Variants in LTBP1 observed in about 807,000 individuals in gnomAD.
The protein encoded by LTBP1 is latent-transforming growth factor beta-binding protein 1.
Under a neutral mutation model 207.6 loss-of-function variants are expected in LTBP1, and 129 were observed. That is an observed-to-expected ratio of 0.62 (90% confidence interval 0.54 to 0.72). LTBP1 has a LOEUF of 0.72. LTBP1 is among the 30% of genes least tolerant of loss of function. LTBP1 has a pLI of 0.00. For synonymous variants in LTBP1, 963 were observed against 833.7 expected (o/e 1.16, Z -2.67); for missense variants, 2,281 against 2,217.2 (o/e 1.03, Z -0.58).
intron 3 of LTBP1, among the ~76,000 whole-genome samples, chr2:33,089,738 C>G (rs187079803): frequency 1.2e-4 from 19 of 152,246 alleles, no homozygotes. Context: ...TGCTATGGTT[C>G]CTGACGTAAA....
At chr2:33,332,039 AAAAAT>A (rs2094499737) in intron 24 of LTBP1, among the ~76,000 whole-genome samples, 1 of 152,164 alleles carries the variant, frequency 6.6e-6, no homozygotes. Context: ...TTCATTCAGA[AAAAAT>A]AAAACGTTGC....
chr2:33,104,170 A>T (rs775889748), intron 3 of LTBP1, among the ~76,000 whole-genome samples: 122 of 152,166 alleles, frequency 8.0e-4, no homozygotes, highest in Non-Finnish European at 1.6e-3. Context: ...TGTGCGCCAA[A>T]AATTGCCACT....
chr2:33,396,694 T>G (rs2095361501), intron 32 of LTBP1, among the ~76,000 whole-genome samples: 1 of 152,194 alleles, frequency 6.6e-6, no homozygotes, highest in Non-Finnish European at 1.5e-5. Context: ...AAACGCCGGC[T>G]GAAAACGTAT....
intron 2 of LTBP1, among the ~76,000 whole-genome samples, chr2:33,002,716 C>A (rs219173): frequency 6.6e-6 from 1 of 151,790 alleles, no homozygotes; most frequent in Non-Finnish European, 1.5e-5. Context: ...CTCACCCTGT[C>A]GCCCAGGCTG....
At chr2:33,333,237 TTTTTTC>T (rs1161583147) in intron 24 of LTBP1, among the ~76,000 whole-genome samples, 1 of 152,210 alleles carries the variant, frequency 6.6e-6, no homozygotes, top group Non-Finnish European at 1.5e-5. Flanking sequence ...TAGAGTTTTT[TTTTTTC>T]TTTCTTAGTG....
chr2:33,092,891 T>G (rs939264140), intron 3 of LTBP1, among the ~76,000 whole-genome samples: 1 of 152,202 alleles, frequency 6.6e-6, no homozygotes, highest in Admixed American at 6.5e-5. Context: ...TGCTAGTATA[T>G]TTTGTTCTTT....
chr2:33,260,144 A>T (rs1047687874), intron 13 of LTBP1, among the ~76,000 whole-genome samples: 4 of 152,224 alleles, frequency 2.6e-5, no homozygotes, highest in South Asian at 2.1e-4. Context: ...GCTTTTGGGC[A>T]TAGATGGGGG....
intron 2 of LTBP1, among the ~76,000 whole-genome samples, chr2:33,017,603 G>A (rs1688563536): frequency 1.3e-5 from 2 of 152,052 alleles, no homozygotes; most frequent in African/African-American, 4.8e-5. Context: ...AGAAGGACAT[G>A]AGTTGTTTTG....
At chr2:33,077,848 A>G (rs367989526) in intron 3 of LTBP1, among the ~76,000 whole-genome samples, 4 of 152,354 alleles carry the variant, frequency 2.6e-5, no homozygotes, top group African/African-American at 7.2e-5. Flanking sequence ...TTTGAACAAG[A>G]TTACTTTTGC....
chr2:33,277,434 C>A (rs1373766278), intron 18 of LTBP1, among the ~76,000 whole-genome samples: 1 of 152,170 alleles, frequency 6.6e-6, no homozygotes, highest in Non-Finnish European at 1.5e-5. Context: ...AACTGCCTGA[C>A]CTGTAGCCAC....
intron 5 of LTBP1, among the ~76,000 whole-genome samples, chr2:33,167,963 G>A (rs113031763): frequency 0.011 from 1,629 of 152,250 alleles, 31 homozygotes; most frequent in African/African-American, 0.037. Flanking sequence ...TATCTTAGAG[G>A]GAATGATCCA....
chr2:33,037,924 G>GAAGA (rs1002937106), intron 3 of LTBP1, among the ~76,000 whole-genome samples: 8 of 152,112 alleles, frequency 5.3e-5, no homozygotes, highest in African/African-American at 1.9e-4. Context: ...TCATTATGTT[G>GAAGA]CCTAGGTTGG....
At chr2:32,967,641 A>G (rs1461046152) in intron 2 of LTBP1, among the ~76,000 whole-genome samples, 1 of 152,102 alleles carries the variant, frequency 6.6e-6, no homozygotes, top group Non-Finnish European at 1.5e-5. Context: ...AGTTATTGTT[A>G]TAAATTTCTA....
chr2:33,167,687 G>C (rs1419036595), intron 5 of LTBP1, among the ~76,000 whole-genome samples: 1 of 152,188 alleles, frequency 6.6e-6, no homozygotes, highest in Non-Finnish European at 1.5e-5. Context: ...AGGTAGGTTG[G>C]GATGAAGAGG....
At chr2:33,176,565 C>T (rs10495783) in intron 5 of LTBP1, among the ~76,000 whole-genome samples, 82,919 of 151,924 alleles carry the variant, frequency 0.55, 22,782 homozygotes, top group Middle Eastern at 0.61. Context: ...GTGCTATTGA[C>T]GTTATTGATT....
At chr2:33,224,856 A>C (rs1285385003) in intron 9 of LTBP1, among the ~76,000 whole-genome samples, 1 of 152,090 alleles carries the variant, frequency 6.6e-6, no homozygotes, top group Non-Finnish European at 1.5e-5. Context: ...TTTTCCCCCA[A>C]AGAATCAGTT....
chr2:33,276,317 C>T (rs2148439897), intron 18 of LTBP1, among the ~76,000 whole-genome samples: 1 of 152,252 alleles, frequency 6.6e-6, no homozygotes, highest in Non-Finnish European at 1.5e-5. Flanking sequence ...CCTTTGTCTC[C>T]AATGCTTTCT....
intron 26 of LTBP1, among the ~76,000 whole-genome samples, chr2:33,353,668 TC>T (rs1182377112): frequency 6.6e-6 from 1 of 152,154 alleles, no homozygotes; most frequent in Non-Finnish European, 1.5e-5. Flanking sequence ...TATTCACACT[TC>T]CGTGTAGGAA....
chr2:33,086,149 G>A (rs1434492528), intron 3 of LTBP1, among the ~76,000 whole-genome samples: 2 of 152,238 alleles, frequency 1.3e-5, no homozygotes, highest in Non-Finnish European at 2.9e-5. Context: ...CATTAGCATG[G>A]AAGGGAACCA....
Sources: gnomAD v4.1 joint callset for allele counts (sites outside exome capture counted in the v4.1 genomes callset) on GRCh38, gnomAD v4.1.1 for gene constraint, MANE v1.5 for transcripts, NCBI Gene and HGNC (gene_info 2026-07-23, HGNC 2026-07-21) for gene names.